The following RAI14 variants were observed in gnomAD, a reference collection of about 807,000 sequenced individuals.
RAI14 encodes ankycorbin.
A neutral mutation model predicts 115.4 loss-of-function variants in RAI14; 45 were observed. The ratio of observed to expected loss-of-function variants is 0.39; its 90% CI spans 0.31 to 0.50. The LOEUF (loss-of-function observed/expected upper bound fraction) is 0.50. Ranked by LOEUF, RAI14 falls within the 20% of genes least tolerant of loss-of-function variation. RAI14 has a pLI of 0.85. For synonymous variants in RAI14, 371 were observed against 415.4 expected, an observed-to-expected ratio of 0.89 and a Z score of 1.30; for missense variants, 939 against 1,131.2, an observed-to-expected ratio of 0.83 and a Z score of 2.44.
At chr5:34,701,035 T>C (rs1739994546) in intron 2 of RAI14, among the ~76,000 whole-genome samples, 1 of 152,188 alleles carries the variant, frequency 6.6e-6, no homozygotes. Flanking sequence ...CCTTCGGTCC[T>C]GGTTTTGATG....
intron 3 of RAI14, among the ~76,000 whole-genome samples, chr5:34,778,847 C>T (rs1751241614): frequency 6.6e-6 from 1 of 151,552 alleles, no homozygotes; most frequent in Admixed American, 6.6e-5. Context: ...GGAAAGCCCA[C>T]ACTTCTTAAT....
intron 2 of RAI14, among the ~76,000 whole-genome samples, chr5:34,701,993 T>A (rs1434786239): frequency 3.3e-5 from 5 of 152,140 alleles, no homozygotes; most frequent in Non-Finnish European, 7.3e-5. Flanking sequence ...TTTGTATTTT[T>A]AGTAGAGACA....
At chr5:34,781,020 C>T (rs1751549207) in intron 3 of RAI14, among the ~76,000 whole-genome samples, 1 of 151,942 alleles carries the variant, frequency 6.6e-6, no homozygotes, top group African/African-American at 2.4e-5. Flanking sequence ...CACATATACA[C>T]CATGGAATAC....
intron 2 of RAI14, among the ~76,000 whole-genome samples, chr5:34,724,775 C>T (rs373405831): frequency 2.0e-5 from 3 of 152,102 alleles, no homozygotes; most frequent in Non-Finnish European, 2.9e-5. Context: ...ACTCAGCTAC[C>T]GTGGGAATTC....
chr5:34,812,953 G>C lies in RAI14; in HGVS notation c.766-621G>C, dbSNP rs552777545. 2.4e-4 allele frequency among the ~76,000 whole-genome samples: 37 copies of C among 152,336 alleles called. No individual in the cohort carries two copies. The South Asian group carries it at 7.5e-3, about 31-fold the overall frequency. On this transcript the variant is annotated intron_variant, in intron 10 of 17. Transcript: ENST00000265109. ...AATTAGGGTTTTTCTAGAACGTCAT[G>C]TGGTGTTACACAAAGTAGAAATTGA...
intron 1 of RAI14, among the ~76,000 whole-genome samples, chr5:34,679,295 T>A (rs1214722652): frequency 6.6e-6 from 1 of 152,236 alleles, no homozygotes; most frequent in East Asian, 1.9e-4. Context: ...GGTATGTCTG[T>A]GTTTCCAGCG....
intron 2 of RAI14, among the ~76,000 whole-genome samples, chr5:34,695,830 G>A (rs1235304935): frequency 7.6e-6 from 1 of 132,254 alleles, no homozygotes; most frequent in African/African-American, 2.7e-5. Context: ...TTCTGTGACA[G>A]TGTCTTTCTT....
intron 3 of RAI14, among the ~76,000 whole-genome samples, chr5:34,764,529 G>A (rs1749089117): frequency 7.3e-6 from 1 of 136,926 alleles, no homozygotes; most frequent in South Asian, 2.3e-4. Context: ...AGGAAGCACA[G>A]GTGAATTTTC....
chr5:34,817,256 G>A (rs574260854), intron 12 of RAI14, among the ~76,000 whole-genome samples: 10 of 118,938 alleles, frequency 8.4e-5, no homozygotes, highest in Middle Eastern at 6.8e-3. Flanking sequence ...CAGTCTGGGC[G>A]ACAGACACTC....
chr5:34,746,082 A>C (rs1228290651), intron 2 of RAI14, among the ~76,000 whole-genome samples: 1,238 of 22,774 alleles, frequency 0.054, no homozygotes, highest in East Asian at 0.079. Flanking sequence ...CCCCTTATAC[A>C]CCACCCCCTC....
At chr5:34,761,957 C>T (rs1015106264) in intron 3 of RAI14, among the ~76,000 whole-genome samples, 1 of 152,044 alleles carries the variant, frequency 6.6e-6, no homozygotes, top group African/African-American at 2.4e-5. Context: ...TGAACAGGAA[C>T]GACAACAGAA....
chr5:34,752,725 G>GTATA lies in RAI14; in HGVS notation c.37-4742_37-4741insATAT, dbSNP rs1747226661. ...TATATGTGTGTGTGTGTGTGTGTGT[G>GTATA]TGTGTGTGTGTGTGTGTGTGTGTGT... On this transcript the variant is annotated intron_variant, in intron 2 of 17. Transcript: ENST00000265109. Among the ~76,000 whole-genome samples the GTATA allele has an allele frequency of 1.3e-3, 104 of 80,340 alleles. 3 individuals are homozygous for GTATA. The highest frequency in any genetic ancestry group is 5.3e-3 in the African/African-American group (78 of 14,732). 52.7% of individuals were successfully genotyped at this position (80,340 alleles called of 152,430 possible).
intron 2 of RAI14, among the ~76,000 whole-genome samples, chr5:34,742,840 T>C (rs1406716193): frequency 6.6e-6 from 1 of 152,068 alleles, no homozygotes; most frequent in Non-Finnish European, 1.5e-5. Context: ...ATTTTTTGTA[T>C]TTTTAGTGGA....
At chr5:34,719,881 AG>A (rs1253062431) in intron 2 of RAI14, among the ~76,000 whole-genome samples, 3 of 152,226 alleles carry the variant, frequency 2.0e-5, no homozygotes, top group African/African-American at 7.2e-5. Context: ...TTTAAAATAA[AG>A]TCTTAAAATC....
At chr5:34,680,850 CTT>C (rs1440895496) in intron 1 of RAI14, among the ~76,000 whole-genome samples, 1 of 152,132 alleles carries the variant, frequency 6.6e-6, no homozygotes, top group Non-Finnish European at 1.5e-5. Flanking sequence ...TTTAATTATT[CTT>C]TATTCATATC....
intron 3 of RAI14, among the ~76,000 whole-genome samples, chr5:34,782,511 G>T (rs1011482511): frequency 6.6e-6 from 1 of 152,166 alleles, no homozygotes; most frequent in Non-Finnish European, 1.5e-5. Flanking sequence ...TTAAGTTCAG[G>T]TGTGCCTGGG....
chr5:34,776,163 C>G lies in RAI14; in HGVS notation c.167+18565C>G, dbSNP rs139690792. Among the ~76,000 whole-genome samples the G allele has an allele frequency of 8.5e-3, 1,292 of 152,180 alleles. 17 individuals are homozygous for G. Among genetic ancestry groups the G allele is most frequent in the African/African-American group, 0.03 (1,239 of 41,516 alleles). On this transcript the variant is annotated intron_variant, in intron 3 of 17. Coordinates refer to ENST00000265109, the MANE Select transcript of RAI14 (RefSeq NM_015577.3). ...AGGTCATTATGTTAACTGAACTAAGCCAGGCACAGAAAAACAAACTGCCTA... is the reference window on the plus strand; with the variant it reads ...AGGTCATTATGTTAACTGAACTAAGGCAGGCACAGAAAAACAAACTGCCTA...
At chr5:34,685,705 T>C (rs2149881071) in intron 1 of RAI14, 1 of 152,220 alleles carries the variant, frequency 6.6e-6, no homozygotes, top group East Asian at 1.9e-4. Context: ...GCTCTGTTGC[T>C]ACTTCTGTGA....
intron 16 of RAI14, among the ~76,000 whole-genome samples, chr5:34,829,300 G>T (rs1757790032): frequency 1.3e-5 from 2 of 151,956 alleles, no homozygotes; most frequent in African/African-American, 4.8e-5. Flanking sequence ...CGATTCTCTT[G>T]CCTCAGCCTC....
Sources: allele counts gnomAD v4.1 joint callset (sites outside exome capture counted in the v4.1 genomes callset), GRCh38; gene constraint gnomAD v4.1.1; transcripts MANE v1.5; gene names NCBI Gene and HGNC (gene_info 2026-07-23, HGNC 2026-07-21).